The following GABRA5 variants were observed in gnomAD, a reference collection of about 807,000 sequenced individuals.
The protein encoded by GABRA5 is gamma-aminobutyric acid receptor subunit alpha-5.
GABRA5 carries 18 observed loss-of-function variants against 47.3 expected under a neutral mutation model. The ratio of observed to expected loss-of-function variants is 0.38; its 90% CI spans 0.26 to 0.56. The LOEUF is 0.56. Ranked by LOEUF, GABRA5 falls within the 20% of genes least tolerant of loss-of-function variation. The probability of loss-of-function intolerance (pLI) is 0.71; values close to 1 mark genes in which losing one functional copy is unlikely to be tolerated. For synonymous variants in GABRA5, 237 were observed against 229.3 expected (o/e 1.03, Z -0.30); for missense variants, 365 against 599.3 (o/e 0.61, Z 4.08).
chr15:26,911,893 A>G (rs7172131), intron 6 of GABRA5, among the ~76,000 whole-genome samples: 45,351 of 152,056 alleles, frequency 0.3, 7,901 homozygotes, highest in East Asian at 0.58. Context: ...GAGAGAAGAC[A>G]ACCATCTCCA....
intron 6 of GABRA5, among the ~76,000 whole-genome samples, chr15:26,896,765 A>C (rs1893202637): frequency 6.6e-6 from 1 of 152,196 alleles, no homozygotes; most frequent in Admixed American, 6.5e-5. Context: ...ATTAAACATC[A>C]GAAGGACGCT....
At chr15:26,923,042 AAC>A (rs1186257607) in intron 7 of GABRA5, among the ~76,000 whole-genome samples, 1 of 152,220 alleles carries the variant, frequency 6.6e-6, no homozygotes, top group African/African-American at 2.4e-5. Flanking sequence ...CCCTAATCTT[AAC>A]ACAGTTGTCT....
intron 7 of GABRA5, among the ~76,000 whole-genome samples, chr15:26,930,895 C>CT (rs555799476): frequency 0.051 from 5,860 of 115,008 alleles, 457 homozygotes; most frequent in African/African-American, 0.15. Flanking sequence ...TCTTTCTTTT[C>CT]TTTTTTTTTT....
intron 6 of GABRA5, among the ~76,000 whole-genome samples, chr15:26,901,263 G>T (rs776733010): frequency 3.3e-5 from 5 of 152,136 alleles, no homozygotes; most frequent in Non-Finnish European, 5.9e-5. Context: ...GAACCAATTT[G>T]CATTCACGTC....
At chr15:26,923,787 G>A (rs1332642339) in intron 7 of GABRA5, among the ~76,000 whole-genome samples, 5 of 152,030 alleles carry the variant, frequency 3.3e-5, no homozygotes, top group Admixed American at 3.3e-4. Flanking sequence ...CTGTTTTACA[G>A]ATTGGACAAT....
chr15:26,888,397 G>A (rs1438404996), intron 6 of GABRA5, among the ~76,000 whole-genome samples: 1 of 152,230 alleles, frequency 6.6e-6, no homozygotes, highest in African/African-American at 2.4e-5. Context: ...TCCAGCACTA[G>A]GCAGGGCAGT....
intron 6 of GABRA5, among the ~76,000 whole-genome samples, chr15:26,899,505 T>A (rs1893275748): frequency 1.3e-5 from 2 of 152,354 alleles, no homozygotes; most frequent in South Asian, 4.1e-4. Context: ...CTAGATACTC[T>A]ACTCATTATT....
At chr15:26,922,510 T>C (rs1047080074) in intron 7 of GABRA5, among the ~76,000 whole-genome samples, 1 of 152,202 alleles carries the variant, frequency 6.6e-6, no homozygotes, top group African/African-American at 2.4e-5. Context: ...TTTTTAAATT[T>C]ACTTTCCCAA....
At chr15:26,908,266 A>G (rs1346695202) in intron 6 of GABRA5, among the ~76,000 whole-genome samples, 1 of 152,114 alleles carries the variant, frequency 6.6e-6, no homozygotes. Flanking sequence ...CGCCCCACTC[A>G]TAGCACAAAC....
chr15:26,870,415 C>T (rs779537549), intron 3 of GABRA5, among the ~76,000 whole-genome samples: 3 of 152,182 alleles, frequency 2.0e-5, no homozygotes, highest in Non-Finnish European at 2.9e-5. Context: ...ACATCCACCC[C>T]GGGGCAAGCC....
At chr15:26,943,032 C>G (rs921244326) in intron 9 of GABRA5, among the ~76,000 whole-genome samples, 183 bp from the exon 10 acceptor site, 2 of 151,382 alleles carry the variant, frequency 1.3e-5, no homozygotes, top group East Asian at 2.1e-4. Context: ...TGCAGTGAGC[C>G]GAGATTGTGC....
intron 2 of GABRA5, 42 bp from the exon 3 acceptor site, chr15:26,869,133 G>A (rs1473825532): frequency 4.2e-6 from 3 of 716,206 alleles, no homozygotes; most frequent in Admixed American, 3.9e-5. Context: ...TGACACAACA[G>A]CATTGATGTT....
intron 6 of GABRA5, among the ~76,000 whole-genome samples, chr15:26,894,445 C>A (rs151156115): frequency 0.046 from 6,978 of 152,184 alleles, 375 homozygotes; most frequent in East Asian, 0.16. Context: ...CGATCCCGGG[C>A]CCCTCCTTCC....
At chr15:26,871,053 G>A (rs1892458608) in intron 3 of GABRA5, among the ~76,000 whole-genome samples, 1 of 152,154 alleles carries the variant, frequency 6.6e-6, no homozygotes. Context: ...GATTAGCCAG[G>A]CCTGGTGGCA....
chr15:26,871,670 T>C (rs1341237025), intron 3 of GABRA5, among the ~76,000 whole-genome samples: 2 of 152,204 alleles, frequency 1.3e-5, no homozygotes, highest in Admixed American at 6.5e-5. Flanking sequence ...ATGTTTTTTA[T>C]ACAGTTGGGA....
chr15:26,893,946 G>A (rs577824119), intron 6 of GABRA5, among the ~76,000 whole-genome samples: 2 of 152,248 alleles, frequency 1.3e-5, no homozygotes, highest in East Asian at 3.9e-4. Flanking sequence ...AGGTGGCCGG[G>A]GACAGATTCC....
At chr15:26,872,329 A>AG (rs754871287) in intron 3 of GABRA5, among the ~76,000 whole-genome samples, 1 of 152,152 alleles carries the variant, frequency 6.6e-6, no homozygotes, top group South Asian at 2.1e-4. Flanking sequence ...CCCATCTTCT[A>AG]GCTGGGAAGG....
chr15:26,934,123 G>A (rs551950340), intron 7 of GABRA5, among the ~76,000 whole-genome samples: 105 of 152,070 alleles, frequency 6.9e-4, no homozygotes, highest in East Asian at 5.8e-4. Context: ...ATGGTGGCAG[G>A]TACCTGTAAT....
intron 9 of GABRA5, among the ~76,000 whole-genome samples, chr15:26,940,900 C>T (rs1034574710): frequency 1.3e-5 from 2 of 152,206 alleles, no homozygotes; most frequent in African/African-American, 4.8e-5. Flanking sequence ...ATACTAAAGG[C>T]AGTTTTGCCA....
Sources: gnomAD v4.1 joint callset for allele counts (sites outside exome capture counted in the v4.1 genomes callset) on GRCh38, gnomAD v4.1.1 for gene constraint, MANE v1.5 for transcripts, NCBI Gene and HGNC (gene_info 2026-07-23, HGNC 2026-07-21) for gene names.